DEF6: variants seen among roughly 807,000 people sequenced by gnomAD.
DEF6 encodes the protein differentially expressed in FDCP 6 homolog.
Under a neutral mutation model 80.5 loss-of-function variants are expected in DEF6, and 32 were observed. That is an observed-to-expected ratio of 0.40 (90% CI 0.30 to 0.53). The LOEUF (loss-of-function observed/expected upper bound fraction) is 0.53. Among genes scored for constraint, DEF6 ranks in the 20% least tolerant of loss-of-function variants. The pLI is 0.57. For synonymous variants in DEF6, 300 were observed against 337.9 expected (o/e 0.89, Z 1.23); for missense variants, 575 against 818.7 (o/e 0.70, Z 3.63).
chr6:35,319,985 C>G lies in DEF6; in HGVS notation c.1549C>G (p.Gln517Glu), dbSNP rs1473728603. ...CCAGCAGCAGCTGGAGGAGGTGCGG[C>G]AGAACCGGCAGAGGGCTGACGAGGA... ...QAQQQLEEVR[Q>E]NRQRADEDVE... The change falls in exon 9 of 11, where the codon CAG (glutamine) becomes GAG (glutamate). Residue 517 changes from glutamine (Q) to glutamate (E), a missense_variant. Transcript: ENST00000316637. This position sits in a 1 kb window ranked among gnomAD's most constrained non-coding sequence, Gnocchi z 4.5. 1 of 1,563,984 alleles carries G rather than the reference C, an allele frequency of 6.4e-7. No individual in the cohort carries two copies.
Position 35,297,944 on chromosome 6 carries a change from C to T in DEF6, c.88C>T (p.Gln30Ter). Residue 30 changes from glutamine to a stop codon, truncating the protein, a stop_gained, in exon 1 of 11, where the codon CAG (glutamine) becomes TAG (stop). Coordinates refer to ENST00000316637, the MANE Select transcript of DEF6 (RefSeq NM_022047.4). LOFTEE classifies it high-confidence loss of function. ...VEKSGKVSKS[Q>*]LKVLSHNLYT... ...GAAGAGTGGCAAAGTCTCCAAGTCCCAGCTCAAGGTGAGGGGCACCCGGGA... is the reference window on the plus strand; with the variant it reads ...GAAGAGTGGCAAAGTCTCCAAGTCCTAGCTCAAGGTGAGGGGCACCCGGGA... The T allele has an allele frequency of 6.3e-7, 1 of 1,599,424 alleles. No individual in the cohort carries two copies. The highest frequency in any genetic ancestry group is 1.1e-5 in the South Asian group (1 of 88,420).
chr6:35,321,059 C>A, intron 10 of DEF6, 85 bp downstream of exon 10: 1 of 1,563,224 alleles, frequency 6.4e-7, no homozygotes, highest in Non-Finnish European at 8.8e-7. Context: ...ACCTCCAGAT[C>A]TCCCAGGGCC....
intron 3 of DEF6, among the ~76,000 whole-genome samples, chr6:35,311,461 T>G (rs186710650): frequency 6.6e-6 from 1 of 152,284 alleles, no homozygotes; most frequent in East Asian, 1.9e-4. Context: ...CCTGAACCAG[T>G]GCCCTCTACT....
intron 1 of DEF6, among the ~76,000 whole-genome samples, chr6:35,301,390 T>C (rs886595133): frequency 2.3e-4 from 35 of 152,206 alleles, no homozygotes; most frequent in Admixed American, 2.1e-3. Context: ...CTGCTCCCCA[T>C]CTGGGTGACT....
intron 1 of DEF6, among the ~76,000 whole-genome samples, chr6:35,301,935 C>G (rs1233893476): frequency 6.6e-6 from 1 of 152,084 alleles, no homozygotes; most frequent in African/African-American, 2.4e-5. Context: ...CCATGTTGGC[C>G]AGGCTGGTCT....
chr6:35,297,892 G>T lies in DEF6; in HGVS notation c.36G>T (p.Trp12Cys). 1 of 1,608,020 alleles carries T rather than the reference G, an allele frequency of 6.2e-7. No individual in the cohort carries two copies. Among genetic ancestry groups the T allele is most frequent in the Non-Finnish European group, 8.5e-7 (1 of 1,177,754 alleles). ...GCAAGGAACTGCTCAAGTCCATCTG[G>T]TACGCCTTTACCGCGCTGGACGTGG... The part of the protein sequence containing the change: ...ALRKELLKSI[W>C]YAFTALDVEK... Residue 12 changes from tryptophan to cysteine, a missense_variant, in exon 1 of 11, where the codon TGG becomes TGT. By Grantham distance (215) the Trp-to-Cys change is radical (BLOSUM62 -2). Transcript: ENST00000316637.
At position 35,307,114 on chromosome 6, in the gene DEF6, G is replaced by A. The variant is rs538255354; in HGVS notation, c.97-2556G>A. 2.6e-5 allele frequency among the ~76,000 whole-genome samples: 4 copies of A among 152,278 alleles called. No homozygotes were observed. The East Asian group carries it at 7.7e-4, about 29-fold the overall frequency. On this transcript the variant is annotated intron_variant, in intron 1 of 10. Coordinates refer to ENST00000316637, the MANE Select transcript of DEF6 (RefSeq NM_022047.4). Reference sequence around the variant, plus strand: ...AGGTTGGATGATTAGAAATGCTGGGGTGGCCGGGCGCAGTGGCTCACGCCC... The same window carrying A: ...AGGTTGGATGATTAGAAATGCTGGGATGGCCGGGCGCAGTGGCTCACGCCC...
chr6:35,302,198 C>CA (rs1471421533), intron 1 of DEF6, among the ~76,000 whole-genome samples: 2 of 151,878 alleles, frequency 1.3e-5, no homozygotes, highest in East Asian at 1.9e-4. Flanking sequence ...CCCAACTCTA[C>CA]AAAAAATGAA....
chr6:35,318,511 C>A lies in DEF6; in HGVS notation c.1215+40C>A. 1.5e-6 allele frequency: 2 copies of A among 1,359,520 alleles called. No homozygotes were observed. The highest frequency in any genetic ancestry group is 1.9e-6 in the Non-Finnish European group (2 of 1,063,984). 84.2% of individuals were successfully genotyped at this position (1,359,520 alleles called of 1,614,324 possible). A position where few individuals can be genotyped will look rare whatever the true frequency, so the allele number is the denominator to read the frequency against. ...CGGCGCCGGGGACGGGACCGGTGGG[C>A]TGGGAGGCTGGCCAGGGGCGGAGCG... is the stretch of plus-strand genomic sequence containing the variant. On this transcript the variant is annotated intron_variant, in intron 7 of 10. Coordinates refer to ENST00000316637, the MANE Select transcript of DEF6 (RefSeq NM_022047.4). The surrounding 1 kb of genome is among the most constrained non-coding windows in gnomAD (Gnocchi z 5.1).
intron 1 of DEF6, among the ~76,000 whole-genome samples, chr6:35,299,132 A>G (rs1418244730): frequency 6.6e-6 from 1 of 152,154 alleles, no homozygotes; most frequent in Non-Finnish European, 1.5e-5. Context: ...AGCATCTAAT[A>G]GATGATTTCA....
rs2150388407 is a variant in DEF6 at position 35,316,450 on chromosome 6, G to A, written c.808-1441G>A. 1.3e-5 allele frequency among the ~76,000 whole-genome samples: 2 copies of A among 152,290 alleles called. 1 individual carries two copies. Among genetic ancestry groups the A allele is most frequent in the South Asian group, 4.1e-4 (2 of 4,828 alleles). On this transcript the variant is annotated intron_variant, in intron 5 of 10. Coordinates refer to ENST00000316637, the MANE Select transcript of DEF6 (RefSeq NM_022047.4). The stretch of plus-strand genomic sequence containing the variant: ...ACTCCCAATACTACATGGAATAAAA[G>A]TGGTAAAAGTGGGCATCCTTGTCTT...
chr6:35,299,234 C>G (rs1364888448), intron 1 of DEF6, among the ~76,000 whole-genome samples: 1 of 152,182 alleles, frequency 6.6e-6, no homozygotes, highest in South Asian at 2.1e-4. Context: ...ATTTAAATCT[C>G]TTGTATTGCA....
intron 5 of DEF6, among the ~76,000 whole-genome samples, chr6:35,313,914 A>G (rs1052952500): frequency 6.6e-6 from 1 of 152,224 alleles, no homozygotes; most frequent in Non-Finnish European, 1.5e-5. Flanking sequence ...GGGAAGGCAG[A>G]TATCTCTTCA....
intron 5 of DEF6, among the ~76,000 whole-genome samples, chr6:35,316,836 A>C (rs930650341): frequency 1.3e-5 from 2 of 152,186 alleles, no homozygotes; most frequent in African/African-American, 4.8e-5. Context: ...TCATCACACC[A>C]AACAGAAACT....
At chr6:35,299,622 G>A (rs764980701) in intron 1 of DEF6, among the ~76,000 whole-genome samples, 11 of 152,296 alleles carry the variant, frequency 7.2e-5, no homozygotes, top group Non-Finnish European at 1.5e-4. Flanking sequence ...TCCATGGAGA[G>A]CTTGCATGCT....
At chr6:35,306,136 C>T (rs911347125) in intron 1 of DEF6, among the ~76,000 whole-genome samples, 2 of 151,504 alleles carry the variant, frequency 1.3e-5, no homozygotes, top group African/African-American at 4.8e-5. Flanking sequence ...TCAGGTGATC[C>T]ACCTGCCTCG....
chr6:35,299,131 T>C (rs1170063645), intron 1 of DEF6, among the ~76,000 whole-genome samples: 1 of 152,174 alleles, frequency 6.6e-6, no homozygotes, highest in African/African-American at 2.4e-5. Flanking sequence ...GAGCATCTAA[T>C]AGATGATTTC....
At chr6:35,320,063 A>C in intron 9 of DEF6, 46 bp downstream of exon 9, 5 of 1,530,972 alleles carry the variant, frequency 3.3e-6, no homozygotes, top group Non-Finnish European at 3.5e-6. Flanking sequence ...GGGTGAGCTC[A>C]TTAGGGCACA....
At position 35,319,668 on chromosome 6, in the gene DEF6, T is replaced by G; in HGVS notation, c.1360T>G (p.Ser454Ala). 6.2e-7 allele frequency: 1 copy of G among 1,612,674 alleles called. No individual in the cohort carries two copies. The highest frequency in any genetic ancestry group is 1.1e-5 in the South Asian group (1 of 90,960). The part of the protein sequence containing the change: ...LEVKARRDEE[S>A]VRIAQTRLLE... ...GGTGAAAGCTCGGCGAGATGAAGAA[T>G]CTGTGCGAATCGCTCAGACCAGGTA... The change falls in exon 8 of 11, where the codon TCT (serine) becomes GCT (alanine). Residue 454 changes from serine to alanine, a missense_variant. Transcript: ENST00000316637. This position sits in a 1 kb window ranked among gnomAD's most constrained non-coding sequence, Gnocchi z 4.5.
Sources: gnomAD v4.1 joint callset for allele counts (sites outside exome capture counted in the v4.1 genomes callset) on GRCh38, gnomAD v4.1.1 for gene constraint, Gnocchi (gnomAD v3.1) non-coding constraint, MANE v1.5 for transcripts, NCBI Gene and HGNC (gene_info 2026-07-23, HGNC 2026-07-21) for gene names.